Variants in SHANK1 observed in about 807,000 individuals in gnomAD.
The protein encoded by SHANK1 is SH3 and multiple ankyrin repeat domains protein 1.
SHANK1 carries 35 observed loss-of-function variants against 165.6 expected under a neutral mutation model. The observed-to-expected ratio is 0.21, with a 90% CI of 0.16 to 0.28. The LOEUF is 0.28. Among genes scored for constraint, SHANK1 ranks in the 10% least tolerant of loss-of-function variants. The pLI, the probability that SHANK1 is intolerant of heterozygous loss-of-function variation, is 1.00. For synonymous variants in SHANK1, 1,428 were observed against 1,384.8 expected, an observed-to-expected ratio of 1.03 and a Z score of -0.69; for missense variants, 2,681 against 3,036.4, an observed-to-expected ratio of 0.88 and a Z score of 2.75.
rs889068748 is a variant in SHANK1 at position 50,717,145 on chromosome 19, C to A, written c.-43-183G>T. Among the ~76,000 whole-genome samples the A allele has an allele frequency of 1.3e-5, 2 of 152,170 alleles. No individual in the cohort carries two copies. The highest frequency in any genetic ancestry group is 4.8e-5 in the African/African-American group (2 of 41,438). ...TGCCGCCTCCTCCCACGCTGGCACGCACACACCCCTGTCCCTGACATGCTT... is the reference window on the plus strand; with the variant it reads ...TGCCGCCTCCTCCCACGCTGGCACGAACACACCCCTGTCCCTGACATGCTT... On this transcript the variant is annotated intron_variant, in intron 1 of 23. Transcript: ENST00000293441. This position sits in a 1 kb window ranked among gnomAD's most constrained non-coding sequence, Gnocchi z 5.5.
chr19:50,703,976 C>G (rs1468669523), intron 10 of SHANK1, 144 bp downstream of exon 10: 6 of 865,126 alleles, frequency 6.9e-6, no homozygotes, highest in Admixed American at 2.2e-5. Context: ...ATTGCTCCCC[C>G]ACCACCATCC....
Position 50,668,321 on chromosome 19 carries a change from G to A in SHANK1, c.3639C>T (p.Pro1213=), listed in dbSNP as rs1985642534. ...CGCTGGGCGAGGCGGGGGTGGGCAC[G>A]GGCGAGGGGGACGGGGGCACGGGTG... ...AMSPVPPSPS[P]VPTPASPSGP... is the part of the protein sequence containing the mutation. Residue 1213 remains proline, a synonymous_variant, in exon 23 of 24, where the codon CCC becomes CCT. Coordinates refer to ENST00000293441, the MANE Select transcript of SHANK1 (RefSeq NM_016148.5). The A allele has an allele frequency of 8.6e-6, 11 of 1,275,090 alleles. 1 individual carries two copies. The highest frequency in any genetic ancestry group is 4.2e-5 in the Admixed American group (1 of 23,562). The allele number at this position is 1,275,090 out of a possible 1,614,324, so 79.0% of individuals were successfully genotyped here.
rs1413402936 is a variant in SHANK1, at chr19:50,661,433, GGA to G, written c.*530_*531del. 6.6e-6 allele frequency among the ~76,000 whole-genome samples: 1 copy of G among 151,834 alleles called. No individual in the cohort carries two copies. The highest frequency in any genetic ancestry group is 1.5e-5 in the Non-Finnish European group (1 of 67,924). ...AAAATTGCAGCCCGGGGACGGGAGGGGAGAGAGGTGAGCAGGCGTGCAACGGA... is the reference window on the plus strand; with the variant it reads ...AAAATTGCAGCCCGGGGACGGGAGGGGAGAGGTGAGCAGGCGTGCAACGGA... On this transcript the variant is annotated 3_prime_UTR_variant, in exon 24 of 24. Coordinates refer to ENST00000293441, the MANE Select transcript of SHANK1 (RefSeq NM_016148.5).
intron 21 of SHANK1, among the ~76,000 whole-genome samples, chr19:50,675,771 G>A (rs1457703082): frequency 7.2e-5 from 11 of 152,196 alleles, no homozygotes; most frequent in African/African-American, 2.7e-4. Flanking sequence ...GGAGTTCAAG[G>A]TGGGTGGATC....
intron 8 of SHANK1, among the ~76,000 whole-genome samples, chr19:50,706,019 C>T (rs2088934863): frequency 6.6e-6 from 1 of 152,048 alleles, no homozygotes; most frequent in Non-Finnish European, 1.5e-5. Context: ...ATTAGCCTGG[C>T]TTGGTGGCAC....
Position 50,697,923 on chromosome 19 carries a change from C to A in SHANK1, c.1781G>T (p.Gly594Val), listed in dbSNP as rs2123161979. 6.2e-7 allele frequency: 1 copy of A among 1,614,012 alleles called. No homozygotes were observed. The highest frequency in any genetic ancestry group is 8.5e-7 in the Non-Finnish European group (1 of 1,179,944). Residue 594 changes from glycine to valine, a missense_variant, in exon 13 of 24, where the codon GGC (glycine) becomes GTC (valine). Coordinates refer to ENST00000293441, the MANE Select transcript of SHANK1 (RefSeq NM_016148.5). The surrounding 1 kb of genome is among the most constrained non-coding windows in gnomAD (Gnocchi z 4.7). Reference sequence around the variant, plus strand: ...CCAGCCAACACGACCTTTGACCTGGCCTTCCCAGAAGCCTCCTTCCCCGAT... The same window carrying A: ...CCAGCCAACACGACCTTTGACCTGGACTTCCCAGAAGCCTCCTTCCCCGAT... ...LSIGEGGFWE[G>V]QVKGRVGWFP... is the part of the protein sequence containing the mutation.
chr19:50,691,431 C>A (rs1291933994), intron 15 of SHANK1, among the ~76,000 whole-genome samples: 1 of 152,156 alleles, frequency 6.6e-6, no homozygotes, highest in Non-Finnish European at 1.5e-5. Context: ...AAACCCCTCC[C>A]TTCCTCCATC....
rs752453926 is a variant in SHANK1 at position 50,686,187 on chromosome 19, G to T, written c.2577+50C>A. The T allele has an allele frequency of 8.9e-7, 1 of 1,120,714 alleles. No individual in the cohort carries two copies. The highest frequency in any genetic ancestry group is 1.3e-6 in the Non-Finnish European group (1 of 766,392). 69.4% of individuals were successfully genotyped at this position (1,120,714 alleles called of 1,614,324 possible). A position where few individuals can be genotyped will look rare whatever the true frequency, so the allele number is the denominator to read the frequency against. ...GGAAAGAGAAAGGCTCCAGGTTGGTGTGTGAACCGCCTCCCCCCTGGCAGT... is the reference window on the plus strand; with the variant it reads ...GGAAAGAGAAAGGCTCCAGGTTGGTTTGTGAACCGCCTCCCCCCTGGCAGT... On this transcript the variant is annotated intron_variant, in intron 21 of 23. Coordinates refer to ENST00000293441, the MANE Select transcript of SHANK1 (RefSeq NM_016148.5). This position sits in a 1 kb window ranked among gnomAD's most constrained non-coding sequence, Gnocchi z 5.7.
chr19:50,705,445 A>T (rs527986852), intron 8 of SHANK1, among the ~76,000 whole-genome samples: 1 of 152,284 alleles, frequency 6.6e-6, no homozygotes, highest in East Asian at 1.9e-4. Context: ...TCACCTAATT[A>T]TTTTCCCCTT....
Position 50,702,335 on chromosome 19 carries a change from TG to T in SHANK1, c.1747+131del. On this transcript the variant is annotated intron_variant, in intron 12 of 23. Transcript: ENST00000293441. The surrounding 1 kb of genome is among the most constrained non-coding windows in gnomAD (Gnocchi z 5.3). ...GTCCTCCAAGCCTCAAGGGGTGTCC[TG>T]GGGCTCTCTGAGGTCTCCAGAGTGC... 4.0e-6 allele frequency: 3 copies of T among 750,366 alleles called. No individual in the cohort carries two copies. Among genetic ancestry groups the T allele is most frequent in the South Asian group, 1.9e-5 (1 of 53,070 alleles). The allele number at this position is 750,366 out of a possible 1,614,324, so 46.5% of individuals were successfully genotyped here. A position where few individuals can be genotyped will look rare whatever the true frequency, so the allele number is the denominator to read the frequency against.
Position 50,666,690 on chromosome 19 carries a change from A to G in SHANK1, c.5270T>C (p.Leu1757Pro). Residue 1757 changes from leucine (L) to proline (P), a missense_variant, in exon 23 of 24, where the codon CTC (leucine) becomes CCC (proline). Leu to Pro is a moderately conservative substitution (Grantham distance 98). Coordinates refer to ENST00000293441, the MANE Select transcript of SHANK1 (RefSeq NM_016148.5). The part of the protein sequence containing the change: ...YPPQLMTPSK[L>P]RGRALGASGG... The stretch of plus-strand genomic sequence containing the variant: ...GCTGGCTCCTAGCGCCCGGCCCCGG[A>G]GCTTAGAGGGAGTCATGAGCTGAGG... 1.3e-6 allele frequency: 2 copies of G among 1,584,416 alleles called. No homozygotes were observed. Among genetic ancestry groups the G allele is most frequent in the East Asian group, 2.3e-5 (1 of 43,764 alleles).
intron 12 of SHANK1, among the ~76,000 whole-genome samples, chr19:50,698,915 C>G (rs934048898): frequency 5.9e-5 from 9 of 152,272 alleles, no homozygotes; most frequent in African/African-American, 2.2e-4. Flanking sequence ...CCCCATTCAG[C>G]CCTTCACATA....
chr19:50,688,834 C>T lies in SHANK1; in HGVS notation c.2172+10G>A. On this transcript the variant is annotated intron_variant, in intron 17 of 23. Coordinates refer to ENST00000293441, the MANE Select transcript of SHANK1 (RefSeq NM_016148.5). The surrounding 1 kb of genome is among the most constrained non-coding windows in gnomAD (Gnocchi z 6.7). Reference sequence around the variant, plus strand: ...CAGGGTCCCAGGGAAGAGAGGGGGCCTGGACTGACCTCGATGAGGAAGTCT... The same window carrying T: ...CAGGGTCCCAGGGAAGAGAGGGGGCTTGGACTGACCTCGATGAGGAAGTCT... 1 of 1,607,438 alleles carries T rather than the reference C, an allele frequency of 6.2e-7. No individual in the cohort carries two copies. The highest frequency in any genetic ancestry group is 1.1e-5 in the South Asian group (1 of 89,562).
intron 11 of SHANK1, 60 bp downstream of exon 11, chr19:50,703,440 C>T (rs1030499292): frequency 6.3e-6 from 9 of 1,424,566 alleles, no homozygotes; most frequent in South Asian, 3.9e-5. Flanking sequence ...GGGAAGCCGC[C>T]GATCTGGAGA....
In SHANK1 at chr19:50,688,096, G is replaced by A. The variant is rs373113045; in HGVS notation, c.2173-38C>T. ...CACCCCCAGATCACACAGAGTAGACGAGGGGAGGGGTGCTTGCAGCTTCAG... is the reference window on the plus strand; with the variant it reads ...CACCCCCAGATCACACAGAGTAGACAAGGGGAGGGGTGCTTGCAGCTTCAG... On this transcript the variant is annotated intron_variant, in intron 17 of 23. Transcript: ENST00000293441. This position sits in a 1 kb window ranked among gnomAD's most constrained non-coding sequence, Gnocchi z 6.7. 57 of 1,611,234 alleles carry A rather than the reference G, an allele frequency of 3.5e-5. 1 individual carries two copies. In the Middle Eastern group the frequency reaches 8.2e-4, roughly 23 times the overall value.
Position 50,716,532 on chromosome 19 carries a change from G to A in SHANK1, c.256-54C>T. The A allele has an allele frequency of 6.3e-7, 1 of 1,599,000 alleles. No individual in the cohort carries two copies. The highest frequency in any genetic ancestry group is 2.2e-5 in the East Asian group (1 of 44,666). ...TGGGCCAGGGGCCAGAGGAGAGCCTGAGGTGGGTTGGGAAGTGAGCCAGGA... is the reference window on the plus strand; with the variant it reads ...TGGGCCAGGGGCCAGAGGAGAGCCTAAGGTGGGTTGGGAAGTGAGCCAGGA... On this transcript the variant is annotated intron_variant, in intron 2 of 23. Transcript: ENST00000293441. This position sits in a 1 kb window ranked among gnomAD's most constrained non-coding sequence, Gnocchi z 8.4.
chr19:50,683,207 T>C (rs867733212), intron 21 of SHANK1, among the ~76,000 whole-genome samples: 22 of 152,268 alleles, frequency 1.4e-4, no homozygotes, highest in Admixed American at 2.6e-4. Flanking sequence ...CCAGAGGACG[T>C]TGGGCAGTAT....
At chr19:50,674,742 G>C (rs1163987490) in intron 21 of SHANK1, among the ~76,000 whole-genome samples, 2 of 151,926 alleles carry the variant, frequency 1.3e-5, no homozygotes, top group African/African-American at 2.4e-5. Context: ...GGCAGCATAG[G>C]GAGACTCTGT....
At position 50,718,480 on chromosome 19, in the gene SHANK1, C is replaced by G. The variant is rs2089094148; in HGVS notation, c.-44+926G>C. On this transcript the variant is annotated intron_variant, in intron 1 of 23. Coordinates refer to ENST00000293441, the MANE Select transcript of SHANK1 (RefSeq NM_016148.5). The surrounding 1 kb of genome is among the most constrained non-coding windows in gnomAD (Gnocchi z 5.1). The stretch of plus-strand genomic sequence containing the variant: ...CCCCCCGCGCGTACGGCTGCCCCAG[C>G]CCCCCCGGGCCGGCTCCGGCCCCTC... 6.6e-6 allele frequency among the ~76,000 whole-genome samples: 1 copy of G among 151,686 alleles called. No individual in the cohort carries two copies. Among genetic ancestry groups the G allele is most frequent in the South Asian group, 2.1e-4 (1 of 4,804 alleles).
Sources: gnomAD v4.1 joint callset for allele counts (sites outside exome capture counted in the v4.1 genomes callset) on GRCh38, gnomAD v4.1.1 for gene constraint, Gnocchi (gnomAD v3.1) non-coding constraint, MANE v1.5 for transcripts, NCBI Gene and HGNC (gene_info 2026-07-23, HGNC 2026-07-21) for gene names.